Variants in FRMD6 observed in about 807,000 individuals in gnomAD.
FRMD6 encodes the protein FERM domain-containing protein 6.
A neutral mutation model predicts 73.2 loss-of-function variants in FRMD6; 37 were observed. The observed-to-expected ratio is 0.51, with a 90% CI of 0.39 to 0.66. The LOEUF is 0.66. Among genes scored for constraint, FRMD6 ranks in the 30% least tolerant of loss-of-function variants. FRMD6 has a pLI of 0.00. For missense variants in FRMD6, 714 were observed against 780.5 expected (o/e 0.91, Z 1.02); for synonymous variants, 273 against 282.2 (o/e 0.97, Z 0.33).
intron 1 of FRMD6, among the ~76,000 whole-genome samples, chr14:51,534,110 G>A (rs1259296306): frequency 6.6e-6 from 1 of 152,150 alleles, no homozygotes; most frequent in East Asian, 1.9e-4. Context: ...GAGGGTGGGG[G>A]TACACAGGGA....
intron 1 of FRMD6, among the ~76,000 whole-genome samples, chr14:51,678,900 C>T (rs1324678781): frequency 3.9e-5 from 6 of 152,012 alleles, no homozygotes; most frequent in African/African-American, 1.2e-4. Flanking sequence ...ACAGCATGGT[C>T]AAAAGCATAG....
At chr14:51,702,636 A>G in intron 5 of FRMD6, 48 bp downstream of exon 5, 1 of 1,379,362 alleles carries the variant, frequency 7.2e-7, no homozygotes. Flanking sequence ...CCCCCATAGC[A>G]CTTTTTCTAA....
chr14:51,437,249 C>T, the FRMD6 span, among the ~76,000 whole-genome samples: 2 of 152,070 alleles, frequency 1.3e-5, no homozygotes, highest in Non-Finnish European at 2.9e-5. Context: ...GGTTATCTGT[C>T]CTTGTGATAG....
chr14:51,585,947 A>G (rs769385343), intron 2 of FRMD6, among the ~76,000 whole-genome samples: 5,738 of 21,034 alleles, frequency 0.27, 758 homozygotes, highest in Middle Eastern at 0.45. Context: ...GTGTATATAT[A>G]TATATATATA....
intron 1 of FRMD6, among the ~76,000 whole-genome samples, chr14:51,674,027 C>G (rs1894205205): frequency 6.6e-6 from 1 of 152,124 alleles, no homozygotes; most frequent in South Asian, 2.1e-4. Context: ...AAAATAATTT[C>G]CAAATCCTAG....
chr14:51,517,096 C>A (rs553860746), intron 1 of FRMD6, among the ~76,000 whole-genome samples: 253 of 152,224 alleles, frequency 1.7e-3, no homozygotes, highest in Non-Finnish European at 2.7e-3. Flanking sequence ...TTGTTGTATA[C>A]TTTAAGTGTT....
chr14:51,440,553 CACCAGTGAGGTAGGCT>C, the FRMD6 span, among the ~76,000 whole-genome samples: 1 of 152,176 alleles, frequency 6.6e-6, no homozygotes, highest in Non-Finnish European at 1.5e-5. Flanking sequence ...AAAGAATTGT[CACCAGTGAGGTAGGCT>C]ACCCTTAGAA....
At chr14:51,600,134 A>G (rs1889959266) in intron 2 of FRMD6, among the ~76,000 whole-genome samples, 1 of 151,996 alleles carries the variant, frequency 6.6e-6, no homozygotes, top group African/African-American at 2.4e-5. Context: ...TTTTTCTCCA[A>G]AAAAGGTATA....
chr14:51,500,968 G>T (rs1235534457), intron 1 of FRMD6, among the ~76,000 whole-genome samples: 1 of 152,202 alleles, frequency 6.6e-6, no homozygotes, highest in Non-Finnish European at 1.5e-5. Flanking sequence ...GCCATGAATA[G>T]TTATGGGAAA....
At chr14:51,634,539 T>C (rs539753529) in intron 2 of FRMD6, among the ~76,000 whole-genome samples, 21 of 152,224 alleles carry the variant, frequency 1.4e-4, no homozygotes, top group African/African-American at 4.3e-4. Context: ...TTGTAGGAAA[T>C]GTAAAATCAT....
intron 1 of FRMD6, among the ~76,000 whole-genome samples, chr14:51,543,549 C>T (rs1043851209): frequency 2.0e-5 from 3 of 151,960 alleles, no homozygotes; most frequent in Admixed American, 2.0e-4. Context: ...TGAGCATCTA[C>T]CACATGCTTG....
chr14:51,690,480 G>T (rs1156610789), intron 2 of FRMD6, among the ~76,000 whole-genome samples: 5 of 152,236 alleles, frequency 3.3e-5, no homozygotes, highest in African/African-American at 1.2e-4. Context: ...CTGCCTCCTG[G>T]GTTCAAGCGA....
intron 2 of FRMD6, among the ~76,000 whole-genome samples, chr14:51,577,604 TA>T (rs1426253910): frequency 6.6e-6 from 1 of 152,190 alleles, no homozygotes; most frequent in Admixed American, 6.5e-5. Flanking sequence ...TTGGTACATT[TA>T]AAGTACTATG....
chr14:51,585,736 T>C (rs1888989187), intron 2 of FRMD6, among the ~76,000 whole-genome samples: 1 of 151,632 alleles, frequency 6.6e-6, no homozygotes, highest in Non-Finnish European at 1.5e-5. Flanking sequence ...TAGTCTCCAA[T>C]GTCTATTATT....
At chr14:51,482,674 C>CTGTGTG in the FRMD6 span, among the ~76,000 whole-genome samples, 1,575 of 148,834 alleles carry the variant, frequency 0.011, 29 homozygotes, top group African/African-American at 0.037. Flanking sequence ...TTTGCAGGAA[C>CTGTGTG]TGTGTGTGTG....
intron 1 of FRMD6, among the ~76,000 whole-genome samples, chr14:51,666,682 A>G (rs1295303506): frequency 6.6e-6 from 1 of 152,244 alleles, no homozygotes; most frequent in Non-Finnish European, 1.5e-5. Context: ...ACAAAATAAT[A>G]GTTAAAAAGT....
chr14:51,500,516 G>T (rs544191201), intron 1 of FRMD6, among the ~76,000 whole-genome samples: 2 of 149,272 alleles, frequency 1.3e-5, no homozygotes, highest in South Asian at 4.3e-4. Context: ...ACTCCAGCCT[G>T]GGCGACAGAG....
chr14:51,444,452 A>G, the FRMD6 span, among the ~76,000 whole-genome samples: 1 of 152,208 alleles, frequency 6.6e-6, no homozygotes, highest in South Asian at 2.1e-4. Flanking sequence ...TTACACTGCC[A>G]TTCATTTTTT....
chr14:51,524,617 G>A (rs1031658256), intron 1 of FRMD6, among the ~76,000 whole-genome samples: 2 of 152,132 alleles, frequency 1.3e-5, no homozygotes, highest in Non-Finnish European at 2.9e-5. Flanking sequence ...AGAACGATTT[G>A]CAAATTGGGC....
Sources: gnomAD v4.1 joint callset for allele counts (sites outside exome capture counted in the v4.1 genomes callset) on GRCh38, gnomAD v4.1.1 for gene constraint, MANE v1.5 for transcripts, NCBI Gene and HGNC (gene_info 2026-07-23, HGNC 2026-07-21) for gene names.